PTPRT: variants seen among roughly 807,000 people sequenced by gnomAD.
PTPRT encodes receptor-type tyrosine-protein phosphatase T.
In PTPRT, 56 loss-of-function variants were observed where a neutral mutation model predicts 176.8. The ratio of observed to expected loss-of-function variants is 0.32; its 90% CI spans 0.26 to 0.40. PTPRT has a LOEUF of 0.40. PTPRT is among the 10% of genes least tolerant of loss of function. The pLI, the probability that PTPRT is intolerant of heterozygous loss-of-function variation, is 1.00. For missense variants in PTPRT, 1,540 were observed against 1,908.2 expected (o/e 0.81, Z 3.60); for synonymous variants, 783 against 739.0 (o/e 1.06, Z -0.96).
At chr20:42,757,602 T>C (rs899618373) in intron 5 of PTPRT, among the ~76,000 whole-genome samples, 2 of 152,226 alleles carry the variant, frequency 1.3e-5, no homozygotes, top group African/African-American at 2.4e-5. Context: ...TCTGGAATCT[T>C]ATCTATGTAT....
intron 1 of PTPRT, among the ~76,000 whole-genome samples, chr20:43,188,503 T>G (rs1019542204): frequency 6.6e-6 from 1 of 152,170 alleles, no homozygotes; most frequent in African/African-American, 2.4e-5. Flanking sequence ...AGGTTCGTTC[T>G]TTTGCTCTTT....
chr20:42,937,519 C>T (rs1049237572), intron 1 of PTPRT, among the ~76,000 whole-genome samples: 4 of 152,228 alleles, frequency 2.6e-5, no homozygotes, highest in African/African-American at 7.2e-5. Flanking sequence ...AGCTAGTTCT[C>T]AGAAAGTCTT....
Position 42,915,121 on chromosome 20 carries a change from CGTT to C in PTPRT, c.89-29192_89-29190del, listed in dbSNP as rs573697897. On this transcript the variant is annotated intron_variant, in intron 1 of 30. Coordinates refer to ENST00000373187, the MANE Select transcript of PTPRT (RefSeq NM_007050.6). The stretch of plus-strand genomic sequence containing the variant: ...TAAAGTAAAATGACTGTGCTAATGT[CGTT>C]GTTAATGTTTCGTGGTCAGAGCAAA... 5.9e-5 allele frequency among the ~76,000 whole-genome samples: 9 copies of C among 152,298 alleles called. No homozygotes were observed. In the South Asian group the frequency reaches 1.9e-3, roughly 32 times the overall value.
intron 13 of PTPRT, among the ~76,000 whole-genome samples, chr20:42,281,161 C>T (rs2057133309): frequency 6.6e-6 from 1 of 152,212 alleles, no homozygotes; most frequent in Non-Finnish European, 1.5e-5. Context: ...CTTCCTTCTA[C>T]ATTATCTGTT....
At chr20:42,256,503 G>GA (rs71193653) in intron 13 of PTPRT, among the ~76,000 whole-genome samples, 49,718 of 146,952 alleles carry the variant, frequency 0.34, 9,422 homozygotes, top group Non-Finnish European at 0.41. Context: ...TTTTAAAAAT[G>GA]AAAAAAAAAA....
At chr20:42,311,799 G>A (rs1014753011) in intron 12 of PTPRT, among the ~76,000 whole-genome samples, 9 of 150,874 alleles carry the variant, frequency 6.0e-5, no homozygotes, top group South Asian at 2.1e-4. Context: ...ATTTTTCTTC[G>A]TTGACTGTTG....
chr20:42,569,127 G>T (rs1360776566), intron 7 of PTPRT, among the ~76,000 whole-genome samples: 2 of 110,776 alleles, frequency 1.8e-5, no homozygotes, highest in African/African-American at 3.4e-5. Context: ...CAACTTTCAT[G>T]CCATGCCAGT....
chr20:42,040,368 T>G, the PTPRT span, among the ~76,000 whole-genome samples: 1 of 152,084 alleles, frequency 6.6e-6, no homozygotes, highest in Non-Finnish European at 1.5e-5. Context: ...TGGGCTAGCT[T>G]GGGGTCTGTT....
At chr20:42,555,536 T>C (rs527694574) in intron 7 of PTPRT, among the ~76,000 whole-genome samples, 3 of 152,302 alleles carry the variant, frequency 2.0e-5, no homozygotes, top group Admixed American at 2.0e-4. Flanking sequence ...GAAGTTGTGC[T>C]AGGATGTGTT....
At chr20:42,251,441 G>A (rs932381584) in intron 13 of PTPRT, among the ~76,000 whole-genome samples, 1 of 152,142 alleles carries the variant, frequency 6.6e-6, no homozygotes, top group African/African-American at 2.4e-5. Context: ...TCTACAATTA[G>A]TGGTGGTTGG....
chr20:42,162,442 A>G (rs529121693), intron 16 of PTPRT, among the ~76,000 whole-genome samples: 27 of 152,088 alleles, frequency 1.8e-4, no homozygotes, highest in Non-Finnish European at 3.1e-4. Context: ...ATTGGGTTTG[A>G]ATTCTTCTGT....
At chr20:42,790,208 A>G (rs1433290232) in intron 3 of PTPRT, among the ~76,000 whole-genome samples, 2 of 147,890 alleles carry the variant, frequency 1.4e-5, no homozygotes, top group Non-Finnish European at 3.0e-5. Flanking sequence ...TGTACATTTT[A>G]CCTTAATAAC....
At chr20:42,373,095 T>C (rs573447064) in intron 9 of PTPRT, among the ~76,000 whole-genome samples, 147 of 152,386 alleles carry the variant, frequency 9.6e-4, no homozygotes, top group African/African-American at 3.1e-3. Flanking sequence ...GAGTACCTAC[T>C]GTGTGCCTAG....
chr20:43,113,935 T>C (rs2012959890), intron 1 of PTPRT, among the ~76,000 whole-genome samples: 1 of 152,238 alleles, frequency 6.6e-6, no homozygotes, highest in Non-Finnish European at 1.5e-5. Flanking sequence ...TGATATTTTA[T>C]GTGCATGGCC....
At chr20:42,237,400 G>T (rs967310384) in intron 14 of PTPRT, among the ~76,000 whole-genome samples, 6 of 152,038 alleles carry the variant, frequency 3.9e-5, no homozygotes, top group African/African-American at 1.5e-4. Flanking sequence ...TGTCCCTTAG[G>T]TCCATTAAAC....
chr20:43,145,574 C>G (rs571390051), intron 1 of PTPRT, among the ~76,000 whole-genome samples: 2 of 152,276 alleles, frequency 1.3e-5, no homozygotes, highest in East Asian at 3.9e-4. Context: ...AGTTTCTTAT[C>G]AAGACAGAAA....
chr20:43,044,579 C>T (rs1986759197), intron 1 of PTPRT, among the ~76,000 whole-genome samples: 1 of 152,172 alleles, frequency 6.6e-6, no homozygotes, highest in Admixed American at 6.5e-5. Flanking sequence ...CAAGTCCGGC[C>T]TCAGCACCTC....
intron 12 of PTPRT, among the ~76,000 whole-genome samples, chr20:42,294,007 AATTAAT>A (rs1298541908): frequency 2.0e-5 from 3 of 152,222 alleles, no homozygotes; most frequent in African/African-American, 4.8e-5. Context: ...ATTTCAGCAT[AATTAAT>A]GTATAGAGAA....
At chr20:43,079,452 T>G (rs899590073) in intron 1 of PTPRT, among the ~76,000 whole-genome samples, 2 of 152,142 alleles carry the variant, frequency 1.3e-5, no homozygotes, top group African/African-American at 4.8e-5. Flanking sequence ...TGTGATATTA[T>G]TGCACCTATG....
Sources: allele counts gnomAD v4.1 joint callset (sites outside exome capture counted in the v4.1 genomes callset), GRCh38; gene constraint gnomAD v4.1.1; transcripts MANE v1.5; gene names NCBI Gene and HGNC (gene_info 2026-07-23, HGNC 2026-07-21).